The following CPNE4 variants were observed in gnomAD, a reference collection of about 807,000 sequenced individuals.
CPNE4 encodes copine-4.
Under a neutral mutation model 67.9 loss-of-function variants are expected in CPNE4, and 25 were observed. The ratio of observed to expected loss-of-function variants is 0.37; its 90% CI spans 0.27 to 0.51. The LOEUF (loss-of-function observed/expected upper bound fraction) is 0.51, where lower values mean the gene tolerates loss of function less well. CPNE4 is among the 20% of genes least tolerant of loss of function. The probability of loss-of-function intolerance (pLI) is 0.93; values close to 1 mark genes in which losing one functional copy is unlikely to be tolerated. For synonymous variants in CPNE4, 242 were observed against 244.9 expected, an observed-to-expected ratio of 0.99 and a Z score of 0.11; for missense variants, 464 against 690.8, an observed-to-expected ratio of 0.67 and a Z score of 3.68.
At chr3:131,944,208 C>G (rs921919216) in intron 1 of CPNE4, among the ~76,000 whole-genome samples, 1 of 149,744 alleles carries the variant, frequency 6.7e-6, no homozygotes, top group Non-Finnish European at 1.5e-5. Context: ...AAAGCTGAAC[C>G]TCTTTCCTCT....
intron 1 of CPNE4, among the ~76,000 whole-genome samples, chr3:131,988,849 T>C (rs2073114148): frequency 6.6e-6 from 1 of 152,248 alleles, no homozygotes; most frequent in African/African-American, 2.4e-5. Context: ...GAGGAAGAGC[T>C]AGATTCACAT....
Position 131,573,897 on chromosome 3 carries a change from C to A in CPNE4, c.927+1174G>T, listed in dbSNP as rs73874124. 4.6e-5 allele frequency among the ~76,000 whole-genome samples: 7 copies of A among 152,022 alleles called. No homozygotes were observed. The East Asian group carries it at 1.4e-3, about 30-fold the overall frequency. On this transcript the variant is annotated intron_variant, in intron 10 of 15. Transcript: ENST00000429747. ...AAACTCTAAAATTTGCTCCTGTAAG[C>A]GTTCAGAAATAAATGCACAATACCC...
chr3:131,847,581 A>G (rs2086053360), intron 2 of CPNE4, among the ~76,000 whole-genome samples: 1 of 152,196 alleles, frequency 6.6e-6, no homozygotes. Context: ...TAAAAATGCC[A>G]AAATATAGGT....
At chr3:131,918,408 T>C (rs2070638327) in intron 1 of CPNE4, among the ~76,000 whole-genome samples, 1 of 152,184 alleles carries the variant, frequency 6.6e-6, no homozygotes, top group Non-Finnish European at 1.5e-5. Flanking sequence ...GATACAAAGA[T>C]GAAAAGACAA....
chr3:131,682,212 G>C (rs1351939536), intron 6 of CPNE4, among the ~76,000 whole-genome samples: 2 of 151,920 alleles, frequency 1.3e-5, no homozygotes, highest in Admixed American at 6.6e-5. Flanking sequence ...AGTATATCTG[G>C]ATATTGAAGA....
chr3:131,996,736 G>A (rs1364457859), intron 1 of CPNE4, among the ~76,000 whole-genome samples: 1 of 152,080 alleles, frequency 6.6e-6, no homozygotes, highest in African/African-American at 2.4e-5. Context: ...GGATTTCATT[G>A]TCATAGTTCT....
chr3:131,737,233 C>G (rs1234924006), intron 2 of CPNE4, among the ~76,000 whole-genome samples: 1 of 150,356 alleles, frequency 6.7e-6, no homozygotes, highest in East Asian at 2.0e-4. Context: ...AAGCAATTCT[C>G]CTGCCTCAGC....
chr3:132,019,435 T>A (rs2073948444), intron 1 of CPNE4, among the ~76,000 whole-genome samples: 1 of 152,206 alleles, frequency 6.6e-6, no homozygotes, highest in South Asian at 2.1e-4. Context: ...TTGATTCAAA[T>A]TAATAGGTAC....
intron 2 of CPNE4, among the ~76,000 whole-genome samples, chr3:131,752,605 T>A (rs6807908): frequency 6.6e-6 from 1 of 152,120 alleles, no homozygotes; most frequent in Non-Finnish European, 1.5e-5. Flanking sequence ...GTTTTACATT[T>A]AATGTTCAAG....
intron 7 of CPNE4, among the ~76,000 whole-genome samples, chr3:131,660,915 T>G (rs2080107374): frequency 6.6e-6 from 1 of 152,196 alleles, no homozygotes; most frequent in Non-Finnish European, 1.5e-5. Context: ...CTAAAACTTT[T>G]AGAGAGAGGC....
intron 3 of CPNE4, among the ~76,000 whole-genome samples, chr3:131,708,607 G>A (rs1408097407): frequency 6.6e-6 from 1 of 151,988 alleles, no homozygotes; most frequent in Admixed American, 6.5e-5. Flanking sequence ...ACCTTCTGAT[G>A]GGACCAGTCC....
At chr3:131,739,544 C>A (rs1478125194) in intron 2 of CPNE4, among the ~76,000 whole-genome samples, 1 of 152,122 alleles carries the variant, frequency 6.6e-6, no homozygotes, top group Non-Finnish European at 1.5e-5. Flanking sequence ...AAAACAAATC[C>A]TGGGTAACCT....
At chr3:132,015,290 A>C (rs2107682034) in intron 1 of CPNE4, among the ~76,000 whole-genome samples, 1 of 152,334 alleles carries the variant, frequency 6.6e-6, no homozygotes, top group African/African-American at 2.4e-5. Flanking sequence ...AAATAAAATA[A>C]TATCAAAATT....
rs79870661 is a variant in CPNE4 at position 131,772,101 on chromosome 3, T to G, written c.181-48476A>C. 1.9e-4 allele frequency among the ~76,000 whole-genome samples: 29 copies of G among 152,010 alleles called. 1 individual carries two copies. In the East Asian group the frequency reaches 5.0e-3, roughly 26 times the overall value. On this transcript the variant is annotated intron_variant, in intron 2 of 15. Coordinates refer to ENST00000429747, the MANE Select transcript of CPNE4 (RefSeq NM_130808.3). ...GTGGAGGGAGATGTCCCAGGAGGTT[T>G]AACAGTTTTATCATTCCTCAAAGCA...
intron 1 of CPNE4, among the ~76,000 whole-genome samples, chr3:132,001,808 A>G (rs1255622466): frequency 2.6e-5 from 4 of 152,098 alleles, no homozygotes; most frequent in Non-Finnish European, 5.9e-5. Flanking sequence ...GTCAAAATCC[A>G]TATCCACTGA....
At chr3:131,673,188 A>G (rs1228188065) in intron 6 of CPNE4, among the ~76,000 whole-genome samples, 1 of 151,958 alleles carries the variant, frequency 6.6e-6, no homozygotes, top group Non-Finnish European at 1.5e-5. Context: ...ATTCTGTTCC[A>G]TGGGTTTATG....
At chr3:131,832,131 T>C (rs2085396528) in intron 2 of CPNE4, among the ~76,000 whole-genome samples, 1 of 152,182 alleles carries the variant, frequency 6.6e-6, no homozygotes, top group Non-Finnish European at 1.5e-5. Flanking sequence ...ACATTAATAT[T>C]AAAATGTCAT....
intron 7 of CPNE4, among the ~76,000 whole-genome samples, chr3:131,649,531 AGAAG>A (rs2079754981): frequency 6.6e-6 from 1 of 152,218 alleles, no homozygotes; most frequent in Admixed American, 6.5e-5. Context: ...AAAGGAAGCT[AGAAG>A]AACTGGCTTT....
chr3:131,763,533 C>T (rs1356351216), intron 2 of CPNE4, among the ~76,000 whole-genome samples: 1 of 152,076 alleles, frequency 6.6e-6, no homozygotes, highest in Non-Finnish European at 1.5e-5. Flanking sequence ...TAGATGAAGT[C>T]CTAGGCTAGC....
Sources: allele counts gnomAD v4.1 joint callset (sites outside exome capture counted in the v4.1 genomes callset), GRCh38; gene constraint gnomAD v4.1.1; transcripts MANE v1.5; gene names NCBI Gene and HGNC (gene_info 2026-07-23, HGNC 2026-07-21).